The following LIMS2 variants were observed in gnomAD, a reference collection of about 807,000 sequenced individuals.
LIMS2 encodes the protein LIM and senescent cell antigen-like-containing domain protein 2.
LIMS2 carries 30 observed loss-of-function variants against 45.3 expected under a neutral mutation model. That is an observed-to-expected ratio of 0.66 (90% CI 0.50 to 0.90). LIMS2 has a LOEUF of 0.90. Ranked by LOEUF, LIMS2 falls within the 40% of genes least tolerant of loss-of-function variation. LIMS2 has a pLI of 0.00. For synonymous variants in LIMS2, 173 were observed against 188.0 expected (o/e 0.92, Z 0.65); for missense variants, 485 against 468.7 (o/e 1.03, Z -0.32).
chr2:127,680,314 A>C (rs1013307047), upstream of LIMS2, among the ~76,000 whole-genome samples: 1 of 152,232 alleles, frequency 6.6e-6, no homozygotes, highest in Non-Finnish European at 1.5e-5. Context: ...CCAGCTGGGC[A>C]CGATGGTGCA....
In LIMS2 at chr2:127,647,353, A is replaced by C. The variant is rs1162350980; in HGVS notation, c.360-4281T>G. 1.3e-5 allele frequency among the ~76,000 whole-genome samples: 2 copies of C among 152,074 alleles called. No homozygotes were observed. Among genetic ancestry groups the C allele is most frequent in the African/African-American group, 4.8e-5 (2 of 41,398 alleles). The stretch of plus-strand genomic sequence containing the variant: ...GGAGTGAGACCGTTTCCCCGGTCTC[A>C]CTTCCAGCTCCAGGGCCAATGTCCC... On this transcript the variant is annotated intron_variant, in intron 4 of 9. Coordinates refer to ENST00000355119, the MANE Select transcript of LIMS2 (RefSeq NM_001161403.3). This position sits in a 1 kb window ranked among gnomAD's most constrained non-coding sequence, Gnocchi z 4.3.
intron 4 of LIMS2, among the ~76,000 whole-genome samples, chr2:127,645,113 T>C (rs1682825769): frequency 6.6e-6 from 1 of 152,190 alleles, no homozygotes. Context: ...GAGTGACATG[T>C]GCTTGGGTTC....
intron 4 of LIMS2, chr2:127,649,977 G>A: frequency 1.3e-6 from 2 of 1,581,316 alleles, no homozygotes; most frequent in South Asian, 1.1e-5. Context: ...CCAGGCACAG[G>A]CTTCTCCTAA....
At chr2:127,670,388 T>C (rs6753988) in intron 1 of LIMS2, among the ~76,000 whole-genome samples, 4,221 of 152,296 alleles carry the variant, frequency 0.028, 213 homozygotes, top group African/African-American at 0.095. Flanking sequence ...AAAGGCTATA[T>C]AATATATGGC....
chr2:127,659,945 T>C (rs998198459), intron 1 of LIMS2, among the ~76,000 whole-genome samples: 1 of 152,212 alleles, frequency 6.6e-6, no homozygotes, highest in Non-Finnish European at 1.5e-5. Flanking sequence ...CTTGTGGTTA[T>C]GGGCACTCCT....
intron 4 of LIMS2, chr2:127,648,280 T>A (rs1161035860): frequency 1.2e-6 from 1 of 806,356 alleles, no homozygotes; most frequent in East Asian, 1.3e-4. Context: ...GGGGGCAATC[T>A]TTTCAGGTAG....
At chr2:127,660,477 G>T (rs547157769) in intron 1 of LIMS2, among the ~76,000 whole-genome samples, 2 of 152,132 alleles carry the variant, frequency 1.3e-5, no homozygotes, top group African/African-American at 4.8e-5. Context: ...ATGAACCGAC[G>T]GGGAGGAATC....
At chr2:127,646,175 A>T (rs1243337284) in intron 4 of LIMS2, 1 of 152,086 alleles carries the variant, frequency 6.6e-6, no homozygotes, top group Non-Finnish European at 1.5e-5. Context: ...GCCACCACCG[A>T]CACCCACGGG....
chr2:127,644,229 T>C, intron 4 of LIMS2: 2 of 393,264 alleles, frequency 5.1e-6, no homozygotes, highest in Non-Finnish European at 1.0e-5. Flanking sequence ...CCCAAGACCC[T>C]ATGTGCCCAG....
chr2:127,673,594 G>A, intron 1 of LIMS2: 1 of 1,366,576 alleles, frequency 7.3e-7, no homozygotes, highest in Non-Finnish European at 1.0e-6. Context: ...GCACCTCGGG[G>A]CCTCCCATTC....
upstream of LIMS2, among the ~76,000 whole-genome samples, chr2:127,679,302 G>A (rs1410249245): frequency 6.6e-6 from 1 of 152,134 alleles, no homozygotes; most frequent in Non-Finnish European, 1.5e-5. The surrounding 1 kb of genome is among the most constrained non-coding windows in gnomAD (Gnocchi z 5.3). Context: ...TGAAAGGGGG[G>A]GCAGAGAAGA....
intron 4 of LIMS2, chr2:127,644,036 A>G (rs1265821852): frequency 6.6e-6 from 3 of 456,326 alleles, no homozygotes; most frequent in African/African-American, 4.0e-5. Flanking sequence ...TGCCAGGGCC[A>G]CCCATTCAGC....
intron 1 of LIMS2, among the ~76,000 whole-genome samples, chr2:127,661,171 C>T (rs549826018): frequency 6.6e-6 from 1 of 152,236 alleles, no homozygotes; most frequent in Non-Finnish European, 1.5e-5. Context: ...AGGCCTGGGC[C>T]CAGCCGCTCA....
chr2:127,639,042 G>C lies in LIMS2; in HGVS notation c.*239C>G, dbSNP rs928691390. Reference sequence around the variant, plus strand: ...GCACAGGTGGACATGGCTGTCAGACGTGGGGTCATAGGCTCCCACTCCCCA... The same window carrying C: ...GCACAGGTGGACATGGCTGTCAGACCTGGGGTCATAGGCTCCCACTCCCCA... On this transcript the variant is annotated 3_prime_UTR_variant, in exon 10 of 10. Transcript: ENST00000355119. The C allele has an allele frequency of 1.9e-6, 1 of 534,534 alleles. No individual in the cohort carries two copies. 33.1% of individuals were successfully genotyped at this position (534,534 alleles called of 1,614,324 possible).
chr2:127,660,030 C>G (rs1431072832), intron 1 of LIMS2, among the ~76,000 whole-genome samples: 3 of 152,218 alleles, frequency 2.0e-5, no homozygotes, highest in Middle Eastern at 3.2e-3. Context: ...TAGCACTCCC[C>G]AGTTACCTTG....
At position 127,647,954 on chromosome 2, in the gene LIMS2, C is replaced by G. The variant is rs935536189; in HGVS notation, c.360-4882G>C. The stretch of plus-strand genomic sequence containing the variant: ...GCTGTGTTCCTCCCTCCTTTTACCT[C>G]TCCTCCACAGCCCCCTTCACAGCCC... On this transcript the variant is annotated intron_variant, in intron 4 of 9. Transcript: ENST00000355119. The surrounding 1 kb of genome is among the most constrained non-coding windows in gnomAD (Gnocchi z 4.3). The G allele has an allele frequency of 1.1e-6, 1 of 920,130 alleles. No individual in the cohort carries two copies. Among genetic ancestry groups the G allele is most frequent in the African/African-American group, 1.8e-5 (1 of 56,018 alleles). 57.0% of individuals were successfully genotyped at this position (920,130 alleles called of 1,614,324 possible).
intron 4 of LIMS2, chr2:127,650,304 A>G: frequency 8.7e-6 from 5 of 574,706 alleles, no homozygotes; most frequent in Non-Finnish European, 1.5e-5. Context: ...TCCCGGAGAC[A>G]CACTGCCCCC....
Position 127,664,899 on chromosome 2 carries a change from T to C in LIMS2, c.12-7337A>G, listed in dbSNP as rs1684926201. Among the ~76,000 whole-genome samples the C allele has an allele frequency of 6.6e-6, 1 of 152,170 alleles. No individual in the cohort carries two copies. The highest frequency in any genetic ancestry group is 1.5e-5 in the Non-Finnish European group (1 of 68,010). ...CCACATTCTGCTTTGCTCCCTTCTC[T>C]GAGACCCTCTGCCACAAACATCACC... On this transcript the variant is annotated intron_variant, in intron 1 of 9. Transcript: ENST00000355119. The surrounding 1 kb of genome is among the most constrained non-coding windows in gnomAD (Gnocchi z 5.5).
At chr2:127,655,595 G>A (rs1174416951) in intron 2 of LIMS2, 2 of 153,228 alleles carry the variant, frequency 1.3e-5, no homozygotes, top group Non-Finnish European at 2.9e-5. Flanking sequence ...TGTAGAGTCA[G>A]GAAGGGCTTA....
Sources: gnomAD v4.1 joint callset for allele counts (sites outside exome capture counted in the v4.1 genomes callset) on GRCh38, gnomAD v4.1.1 for gene constraint, Gnocchi (gnomAD v3.1) non-coding constraint, MANE v1.5 for transcripts, NCBI Gene and HGNC (gene_info 2026-07-23, HGNC 2026-07-21) for gene names.